Variants in TAFA4 observed in about 807,000 individuals in gnomAD.
TAFA4 encodes TAFA chemokine like family member 4.
A neutral mutation model predicts 21.1 loss-of-function variants in TAFA4; 20 were observed. That is an observed-to-expected ratio of 0.95 (90% CI 0.67 to 1.38). The LOEUF is 1.38. Among genes scored for constraint, TAFA4 ranks in the 40% most tolerant of loss-of-function variants. The pLI, the probability that TAFA4 is intolerant of heterozygous loss-of-function variation, is 0.00. For synonymous variants in TAFA4, 71 were observed against 67.4 expected (o/e 1.05, Z -0.26); for missense variants, 211 against 180.9 (o/e 1.17, Z -0.95).
At position 68,732,099 on chromosome 3, in the gene TAFA4, C is replaced by T. The variant is rs910570018; in HGVS notation, c.*1043G>A. ...TGTTTCATACGTTTCCGCATGACAG[C>T]ATTTGAGAATATGTGGAGACATGTC... is the stretch of plus-strand genomic sequence containing the variant. On this transcript the variant is annotated 3_prime_UTR_variant, in exon 6 of 6. Transcript: ENST00000295569. 1 of 152,542 alleles carries T rather than the reference C, an allele frequency of 6.6e-6. No individual in the cohort carries two copies. The highest frequency in any genetic ancestry group is 1.5e-5 in the Non-Finnish European group (1 of 68,026). 9.4% of individuals were successfully genotyped at this position (152,542 alleles called of 1,614,324 possible).
rs944177542 is a variant in TAFA4 at position 68,880,744 on chromosome 3, A to C, written c.116T>G (p.Leu39Arg). Reference protein sequence around the residue: ...CKLMSASSQHLRGHAGHHQIK... With the variant: ...CKLMSASSQHRRGHAGHHQIK... ...AAAGGGCTTACCTGCATGTCCCCGGAGGTGCTGGCTTGAGGCGGACATCAG... is the reference window on the plus strand; with the variant it reads ...AAAGGGCTTACCTGCATGTCCCCGGCGGTGCTGGCTTGAGGCGGACATCAG... Residue 39 changes from leucine (L) to arginine (R), a missense_variant, in exon 3 of 6, where the codon CTC (leucine) becomes CGC (arginine). Leu to Arg is a moderately radical substitution (Grantham distance 102). Coordinates refer to ENST00000295569, the MANE Select transcript of TAFA4 (RefSeq NM_182522.5). The C allele has an allele frequency of 1.2e-6, 2 of 1,613,954 alleles. No individual in the cohort carries two copies. Among genetic ancestry groups the C allele is most frequent in the African/African-American group, 1.3e-5 (1 of 75,046 alleles).
intron 1 of TAFA4, among the ~76,000 whole-genome samples, chr3:68,912,103 G>A (rs2089966075): frequency 6.6e-6 from 1 of 152,082 alleles, no homozygotes; most frequent in African/African-American, 2.4e-5. Context: ...CAACTCACTG[G>A]GAGAGTCAGT....
intron 3 of TAFA4, among the ~76,000 whole-genome samples, chr3:68,817,729 G>A (rs1284192978): frequency 6.6e-6 from 1 of 152,120 alleles, no homozygotes; most frequent in Non-Finnish European, 1.5e-5. Context: ...CAGGGGCATT[G>A]TCAATGAGCA....
intron 3 of TAFA4, among the ~76,000 whole-genome samples, chr3:68,813,784 GAA>G (rs1703897401): frequency 6.6e-6 from 1 of 152,042 alleles, no homozygotes; most frequent in African/African-American, 2.4e-5. Context: ...CCAATCAATA[GAA>G]AAAGAGGGAA....
chr3:68,920,938 C>T (rs981522443), intron 1 of TAFA4, among the ~76,000 whole-genome samples: 1 of 152,194 alleles, frequency 6.6e-6, no homozygotes, highest in Non-Finnish European at 1.5e-5. Flanking sequence ...CCATCTCCAG[C>T]AGGGCCTTCG....
At chr3:68,867,848 A>G (rs1435851158) in intron 3 of TAFA4, among the ~76,000 whole-genome samples, 1 of 152,100 alleles carries the variant, frequency 6.6e-6, no homozygotes, top group Non-Finnish European at 1.5e-5. Context: ...AATAGATACA[A>G]TAACAATGAA....
intron 5 of TAFA4, among the ~76,000 whole-genome samples, chr3:68,738,337 A>G (rs1188414696): frequency 2.0e-5 from 3 of 152,170 alleles, no homozygotes; most frequent in Admixed American, 1.3e-4. Context: ...ACCAATCACC[A>G]GAGGGTGCCA....
chr3:68,850,912 T>G lies in TAFA4; in HGVS notation c.130+29818A>C, dbSNP rs571809286. On this transcript the variant is annotated intron_variant, in intron 3 of 5. Coordinates refer to ENST00000295569, the MANE Select transcript of TAFA4 (RefSeq NM_182522.5). ...ATAGATCCCATTTGTCAATTTTTGC[T>G]TTTGTAGCCATTGCTTTTGGTAATT... is the stretch of plus-strand genomic sequence containing the variant. Among the ~76,000 whole-genome samples, 15 of 152,326 alleles carry G rather than the reference T, an allele frequency of 9.8e-5. No homozygotes were observed. The South Asian group carries it at 3.1e-3, about 32-fold the overall frequency.
chr3:68,808,496 T>C (rs1327976072), intron 3 of TAFA4, among the ~76,000 whole-genome samples: 1 of 152,230 alleles, frequency 6.6e-6, no homozygotes, highest in Admixed American at 6.5e-5. Context: ...TACTGCCTTC[T>C]TAAACCCTCT....
chr3:68,930,448 A>G (rs994920140), intron 1 of TAFA4, among the ~76,000 whole-genome samples: 9 of 152,234 alleles, frequency 5.9e-5, no homozygotes, highest in Non-Finnish European at 1.0e-4. Flanking sequence ...TTGTGACTTG[A>G]AGCCTTATAA....
intron 3 of TAFA4, among the ~76,000 whole-genome samples, chr3:68,774,067 T>C (rs1559516634): frequency 6.6e-6 from 1 of 152,106 alleles, no homozygotes; most frequent in Non-Finnish European, 1.5e-5. Flanking sequence ...AAGCTAGGCC[T>C]GGGGGTAGAC....
chr3:68,813,414 AC>A (rs1559529895), intron 3 of TAFA4, among the ~76,000 whole-genome samples: 2 of 152,162 alleles, frequency 1.3e-5, no homozygotes, highest in Non-Finnish European at 2.9e-5. Flanking sequence ...AAATTGATAG[AC>A]CACTAGCAAG....
At chr3:68,809,511 C>G (rs1251377688) in intron 3 of TAFA4, among the ~76,000 whole-genome samples, 1 of 126,412 alleles carries the variant, frequency 7.9e-6, no homozygotes, top group Non-Finnish European at 1.6e-5. Context: ...AATGTCTCCA[C>G]TATGTTGATT....
chr3:68,760,098 G>C (rs1185661728), intron 3 of TAFA4, among the ~76,000 whole-genome samples: 2 of 152,102 alleles, frequency 1.3e-5, no homozygotes, highest in Non-Finnish European at 2.9e-5. Context: ...TACTGGCAGG[G>C]CTGTAACATG....
chr3:68,852,066 T>C (rs1704964095), intron 3 of TAFA4, among the ~76,000 whole-genome samples: 2 of 152,132 alleles, frequency 1.3e-5, no homozygotes, highest in Admixed American at 1.3e-4. Flanking sequence ...GACCACACTT[T>C]AACAGTCCCT....
intron 3 of TAFA4, among the ~76,000 whole-genome samples, chr3:68,803,947 C>G (rs1703630507): frequency 6.6e-6 from 1 of 151,674 alleles, no homozygotes. Context: ...GCCACCACAC[C>G]TGGCTAATTT....
chr3:68,763,962 C>G lies in TAFA4; in HGVS notation c.131-10944G>C, dbSNP rs1200862572. ...AGTTGATTTAAATAAATAACATATA[C>G]TTTCAAATGTTATACTGAGATACAA... On this transcript the variant is annotated intron_variant, in intron 3 of 5. Transcript: ENST00000295569. Among the ~76,000 whole-genome samples the G allele has an allele frequency of 1.1e-4, 17 of 151,738 alleles. 1 individual carries two copies. Among genetic ancestry groups the G allele is most frequent in the Admixed American group, 1.1e-3 (17 of 15,220 alleles).
intron 3 of TAFA4, among the ~76,000 whole-genome samples, chr3:68,844,084 A>C (rs1002945557): frequency 6.6e-6 from 1 of 152,142 alleles, no homozygotes; most frequent in Non-Finnish European, 1.5e-5. Flanking sequence ...ATAGTTTCAG[A>C]AGGAATGGTA....
At chr3:68,788,762 C>A (rs554404827) in intron 3 of TAFA4, among the ~76,000 whole-genome samples, 73 of 152,044 alleles carry the variant, frequency 4.8e-4, no homozygotes, top group Middle Eastern at 6.8e-3. Context: ...CAGGCACACG[C>A]CACCATACCT....
Sources: allele counts gnomAD v4.1 joint callset (sites outside exome capture counted in the v4.1 genomes callset), GRCh38; gene constraint gnomAD v4.1.1; transcripts MANE v1.5; gene names NCBI Gene and HGNC (gene_info 2026-07-23, HGNC 2026-07-21).